Variants in KIF6 observed in about 807,000 individuals in gnomAD.
KIF6 encodes the protein kinesin family member 6.
KIF6 carries 106 observed loss-of-function variants against 112.7 expected under a neutral mutation model. That is an observed-to-expected ratio of 0.94 (90% CI 0.80 to 1.11). The LOEUF is 1.11. Among genes scored for constraint, KIF6 ranks in the 50% least tolerant of loss-of-function variants. The pLI, the probability that KIF6 is intolerant of heterozygous loss-of-function variation, is 0.00. For missense variants in KIF6, 929 were observed against 964.0 expected (o/e 0.96, Z 0.48); for synonymous variants, 339 against 339.9 (o/e 1.00, Z 0.03).
At chr6:39,388,284 ATT>A (rs3048044) in intron 15 of KIF6, among the ~76,000 whole-genome samples, 1 of 145,108 alleles carries the variant, frequency 6.9e-6, no homozygotes. Flanking sequence ...CTAAGGAAGT[ATT>A]TTTTTTTTTT....
At chr6:39,391,499 T>C (rs1767893018) in intron 15 of KIF6, among the ~76,000 whole-genome samples, 1 of 152,168 alleles carries the variant, frequency 6.6e-6, no homozygotes, top group African/African-American at 2.4e-5. Flanking sequence ...ACGGGCTCTA[T>C]ACAGGGTCTG....
intron 4 of KIF6, among the ~76,000 whole-genome samples, chr6:39,636,450 C>T: frequency 6.6e-6 from 1 of 151,824 alleles, no homozygotes; most frequent in East Asian, 1.9e-4. Context: ...AATGCTTATC[C>T]CAACAAATGG....
At chr6:39,446,936 G>A (rs1010661403) in intron 13 of KIF6, among the ~76,000 whole-genome samples, 7 of 152,190 alleles carry the variant, frequency 4.6e-5, no homozygotes, top group Non-Finnish European at 1.0e-4. Flanking sequence ...GAATGAATGA[G>A]TAAATGTGGA....
intron 10 of KIF6, among the ~76,000 whole-genome samples, chr6:39,568,113 T>C (rs1399336023): frequency 6.6e-6 from 1 of 152,210 alleles, no homozygotes; most frequent in Non-Finnish European, 1.5e-5. Flanking sequence ...GGCACAGTGC[T>C]GAACAACTCA....
chr6:39,499,873 T>C (rs1776021042), intron 13 of KIF6, among the ~76,000 whole-genome samples: 1 of 152,206 alleles, frequency 6.6e-6, no homozygotes, highest in Admixed American at 6.5e-5. Context: ...GTGAGCTAGA[T>C]ATATAAGCTC....
chr6:39,350,622 T>G (rs564030808), intron 19 of KIF6, among the ~76,000 whole-genome samples: 1 of 152,262 alleles, frequency 6.6e-6, no homozygotes, highest in South Asian at 2.1e-4. Context: ...CAGCGAATCC[T>G]TCACGTGAGA....
chr6:39,571,241 C>G (rs891497079), intron 10 of KIF6, among the ~76,000 whole-genome samples: 7 of 152,172 alleles, frequency 4.6e-5, no homozygotes, highest in Non-Finnish European at 1.0e-4. Context: ...AACAAGATCT[C>G]TCAGACTTTT....
intron 10 of KIF6, among the ~76,000 whole-genome samples, chr6:39,575,171 C>G (rs1392926114): frequency 6.6e-6 from 1 of 152,186 alleles, no homozygotes; most frequent in Non-Finnish European, 1.5e-5. Context: ...CACACCTGAA[C>G]CATGGGCTCA....
chr6:39,517,173 GC>G (rs1169743401), intron 13 of KIF6, among the ~76,000 whole-genome samples: 1 of 152,138 alleles, frequency 6.6e-6, no homozygotes, highest in Non-Finnish European at 1.5e-5. Flanking sequence ...TGATTGCTAT[GC>G]CCAGCTTAAC....
chr6:39,478,499 G>T (rs1299054813), intron 13 of KIF6, among the ~76,000 whole-genome samples: 1 of 152,148 alleles, frequency 6.6e-6, no homozygotes, highest in Non-Finnish European at 1.5e-5. Context: ...CTATAAACAT[G>T]AGTGTGCTAG....
intron 3 of KIF6, among the ~76,000 whole-genome samples, chr6:39,709,724 G>C (rs1789428750): frequency 6.6e-6 from 1 of 152,162 alleles, no homozygotes; most frequent in South Asian, 2.1e-4. Flanking sequence ...AAGTTACCAT[G>C]TGTTAACCCA....
chr6:39,586,491 G>T, intron 7 of KIF6, 87 bp from the exon 8 acceptor site: 1 of 1,094,314 alleles, frequency 9.1e-7, no homozygotes, highest in Non-Finnish European at 1.4e-6. Context: ...CAATAAAAAT[G>T]CAAAAGGAAA....
chr6:39,697,486 T>A (rs1011313717), intron 3 of KIF6, among the ~76,000 whole-genome samples: 3 of 151,984 alleles, frequency 2.0e-5, no homozygotes, highest in African/African-American at 7.2e-5. Flanking sequence ...CCATCTCTTG[T>A]CATTGAAAAA....
intron 5 of KIF6, among the ~76,000 whole-genome samples, chr6:39,633,782 T>G (rs1784474260): frequency 6.6e-6 from 1 of 152,158 alleles, no homozygotes; most frequent in African/African-American, 2.4e-5. Flanking sequence ...AGCTTTGTCC[T>G]CTTGTTGGAG....
chr6:39,506,306 A>T (rs192227598), intron 13 of KIF6, among the ~76,000 whole-genome samples: 52 of 152,302 alleles, frequency 3.4e-4, no homozygotes, highest in Admixed American at 1.4e-3. Flanking sequence ...GGAGCTGAAC[A>T]ATGAGGACAC....
intron 13 of KIF6, among the ~76,000 whole-genome samples, chr6:39,450,731 G>C (rs1772644954): frequency 6.6e-6 from 1 of 152,172 alleles, no homozygotes; most frequent in Non-Finnish European, 1.5e-5. Flanking sequence ...CCTGAGCCCG[G>C]GAGGTTGAGG....
chr6:39,587,999 C>T (rs1781727083), intron 7 of KIF6, among the ~76,000 whole-genome samples: 1 of 152,176 alleles, frequency 6.6e-6, no homozygotes, highest in African/African-American at 2.4e-5. Flanking sequence ...CACTGCCTCC[C>T]TTGGGAAACA....
At chr6:39,550,147 A>G (rs1480056492) in intron 10 of KIF6, among the ~76,000 whole-genome samples, 1 of 152,226 alleles carries the variant, frequency 6.6e-6, no homozygotes, top group African/African-American at 2.4e-5. Context: ...TAAAAAATTC[A>G]TCATTTATAC....
intron 14 of KIF6, among the ~76,000 whole-genome samples, chr6:39,428,666 C>T (rs777595011): frequency 3.3e-5 from 5 of 152,188 alleles, no homozygotes; most frequent in Non-Finnish European, 7.3e-5. Context: ...ATACCAGGGA[C>T]TCATAAAGTA....
Sources: gnomAD v4.1 joint callset for allele counts (sites outside exome capture counted in the v4.1 genomes callset) on GRCh38, gnomAD v4.1.1 for gene constraint, MANE v1.5 for transcripts, NCBI Gene and HGNC (gene_info 2026-07-23, HGNC 2026-07-21) for gene names.